Variants in HIVEP3 observed in about 807,000 individuals in gnomAD.
The protein encoded by HIVEP3 is transcription factor HIVEP3.
A neutral mutation model predicts 152.8 loss-of-function variants in HIVEP3; 49 were observed. The ratio of observed to expected loss-of-function variants is 0.32; its 90% CI spans 0.26 to 0.41. HIVEP3 has a LOEUF of 0.41. Ranked by LOEUF, HIVEP3 falls within the 10% of genes least tolerant of loss-of-function variation. The pLI, the probability that HIVEP3 is intolerant of heterozygous loss-of-function variation, is 1.00. For synonymous variants in HIVEP3, 1,269 were observed against 1,289.0 expected, an observed-to-expected ratio of 0.98 and a Z score of 0.33; for missense variants, 2,790 against 3,103.3, an observed-to-expected ratio of 0.90 and a Z score of 2.40.
At chr1:41,711,102 G>A (rs537952965) in intron 1 of HIVEP3, among the ~76,000 whole-genome samples, 23 of 152,292 alleles carry the variant, frequency 1.5e-4, no homozygotes, top group African/African-American at 4.1e-4. Context: ...GCCACCCACC[G>A]GGCTGGCCTT....
At chr1:41,685,656 A>G (rs1249535599) in intron 2 of HIVEP3, among the ~76,000 whole-genome samples, 1 of 152,076 alleles carries the variant, frequency 6.6e-6, no homozygotes, top group Non-Finnish European at 1.5e-5. Context: ...TATATCACAA[A>G]CCCGATTTCT....
intron 1 of HIVEP3, among the ~76,000 whole-genome samples, chr1:41,729,532 T>C (rs1027783146): frequency 6.6e-6 from 1 of 152,204 alleles, no homozygotes; most frequent in Non-Finnish European, 1.5e-5. Flanking sequence ...ACCTTTTTAT[T>C]CTGAATGGGT....
rs190502773 is a variant in HIVEP3 at position 41,699,737 on chromosome 1, G to A, written c.-721+1179C>T. Among the ~76,000 whole-genome samples the A allele has an allele frequency of 2.0e-3, 310 of 152,202 alleles. 3 individuals are homozygous for A. Among genetic ancestry groups the A allele is most frequent in the African/African-American group, 7.2e-3 (297 of 41,508 alleles). ...TTCAGCACGGGGTGTCCTGCCCTGG[G>A]CCCCTATTGAGGTTCTGTAGATTCT... is the stretch of plus-strand genomic sequence containing the variant. On this transcript the variant is annotated intron_variant, in intron 2 of 8. Transcript: ENST00000372583.
At chr1:41,930,603 A>T (rs1644991546) in intron 1 of HIVEP3, among the ~76,000 whole-genome samples, 1 of 152,174 alleles carries the variant, frequency 6.6e-6, no homozygotes, top group Non-Finnish European at 1.5e-5. Context: ...AGTGAACACA[A>T]AATTTCAATA....
intron 2 of HIVEP3, among the ~76,000 whole-genome samples, chr1:41,689,003 AG>A (rs2124104936): frequency 6.6e-6 from 1 of 152,294 alleles, no homozygotes; most frequent in African/African-American, 2.4e-5. Flanking sequence ...CTCAGCACTT[AG>A]GACACTGTAT....
At chr1:41,843,741 C>T (rs1643356709) in intron 1 of HIVEP3, among the ~76,000 whole-genome samples, 1 of 152,226 alleles carries the variant, frequency 6.6e-6, no homozygotes, top group East Asian at 1.9e-4. Flanking sequence ...TCTGCCCCCA[C>T]ACCTTTACAC....
intron 2 of HIVEP3, among the ~76,000 whole-genome samples, chr1:41,652,070 G>A (rs901232983): frequency 1.8e-4 from 28 of 152,158 alleles, no homozygotes; most frequent in African/African-American, 6.5e-4. Context: ...TCAAAGCCCC[G>A]AGAGGTGGTC....
chr1:41,912,498 T>A (rs2124466321), intron 1 of HIVEP3, among the ~76,000 whole-genome samples: 1 of 152,346 alleles, frequency 6.6e-6, no homozygotes, highest in East Asian at 1.9e-4. Flanking sequence ...TAAACCCACT[T>A]AAAATTCTAA....
intron 1 of HIVEP3, among the ~76,000 whole-genome samples, chr1:41,888,475 CT>C (rs1309373814): frequency 6.6e-6 from 1 of 151,746 alleles, no homozygotes; most frequent in East Asian, 1.9e-4. Flanking sequence ...AAAGGAAGGC[CT>C]ATCCAGAGAG....
At chr1:42,027,815 CT>C (rs1406388486) in intron 1 of HIVEP3, among the ~76,000 whole-genome samples, 2 of 152,166 alleles carry the variant, frequency 1.3e-5, no homozygotes, top group African/African-American at 4.8e-5. Flanking sequence ...GCAGAAACCC[CT>C]GATAAACCCA....
intron 1 of HIVEP3, among the ~76,000 whole-genome samples, chr1:41,964,775 C>T (rs1645188619): frequency 6.6e-6 from 1 of 152,188 alleles, no homozygotes; most frequent in Non-Finnish European, 1.5e-5. Flanking sequence ...GGACAGAGCC[C>T]CTGGGGAAAG....
intron 3 of HIVEP3, among the ~76,000 whole-genome samples, chr1:41,619,908 C>A (rs1645022497): frequency 6.6e-6 from 1 of 152,188 alleles, no homozygotes; most frequent in Non-Finnish European, 1.5e-5. Flanking sequence ...CTAGGCATGG[C>A]TGGCCACTCC....
At chr1:41,883,865 T>G (rs1644301193) in intron 1 of HIVEP3, among the ~76,000 whole-genome samples, 1 of 152,176 alleles carries the variant, frequency 6.6e-6, no homozygotes, top group African/African-American at 2.4e-5. Flanking sequence ...ATACTTAAGC[T>G]AGAAAATTTA....
intron 3 of HIVEP3, among the ~76,000 whole-genome samples, chr1:41,624,272 T>C (rs1645086019): frequency 1.3e-5 from 2 of 152,310 alleles, no homozygotes; most frequent in South Asian, 2.1e-4. Flanking sequence ...AGTCTCCAAA[T>C]TGTGTTCCAT....
At chr1:41,772,400 G>A (rs1381960872) in intron 1 of HIVEP3, among the ~76,000 whole-genome samples, 2 of 152,206 alleles carry the variant, frequency 1.3e-5, no homozygotes, top group African/African-American at 4.8e-5. Context: ...CCAGCTGCAG[G>A]TGGGTTTTCT....
chr1:42,001,703 G>A (rs1645428785), intron 1 of HIVEP3, among the ~76,000 whole-genome samples: 1 of 152,134 alleles, frequency 6.6e-6, no homozygotes, highest in Non-Finnish European at 1.5e-5. Flanking sequence ...AGAATTTTTG[G>A]CATCTTTTAC....
intron 4 of HIVEP3, among the ~76,000 whole-genome samples, chr1:41,578,888 G>C (rs2149102555): frequency 6.6e-6 from 1 of 152,296 alleles, no homozygotes; most frequent in East Asian, 1.9e-4. Flanking sequence ...CCATGAGGCT[G>C]CTCAGTAAAC....
At chr1:41,684,097 T>C (rs539346201) in intron 2 of HIVEP3, among the ~76,000 whole-genome samples, 18 of 152,328 alleles carry the variant, frequency 1.2e-4, no homozygotes, top group African/African-American at 1.7e-4. Flanking sequence ...ATGTGGAAAC[T>C]GAGCCCCAGC....
At chr1:41,704,639 A>G (rs973471535) in intron 1 of HIVEP3, among the ~76,000 whole-genome samples, 4 of 152,202 alleles carry the variant, frequency 2.6e-5, no homozygotes, top group Non-Finnish European at 5.9e-5. Flanking sequence ...CCTCGTTTAG[A>G]CTTCACAATG....
Sources: allele counts gnomAD v4.1 joint callset (sites outside exome capture counted in the v4.1 genomes callset), GRCh38; gene constraint gnomAD v4.1.1; transcripts MANE v1.5; gene names NCBI Gene and HGNC (gene_info 2026-07-23, HGNC 2026-07-21).